NALF1: variants seen among roughly 807,000 people sequenced by gnomAD.
NALF1 encodes NALCN channel auxiliary factor 1, also known as family with sequence similarity 155 member A.
NALF1 carries 3 observed loss-of-function variants against 48.4 expected under a neutral mutation model. The ratio of observed to expected loss-of-function variants is 0.06; its 90% CI spans 0.03 to 0.16. The LOEUF (loss-of-function observed/expected upper bound fraction) is 0.16, where lower values mean the gene tolerates loss of function less well. Among genes scored for constraint, NALF1 ranks in the 10% least tolerant of loss-of-function variants. The pLI is 1.00. For missense variants in NALF1, 526 were observed against 571.5 expected, an observed-to-expected ratio of 0.92 and a Z score of 0.81; for synonymous variants, 262 against 245.7, an observed-to-expected ratio of 1.07 and a Z score of -0.62.
At chr13:107,675,734 C>T (rs111947322) in intron 1 of NALF1, among the ~76,000 whole-genome samples, 1 of 152,096 alleles carries the variant, frequency 6.6e-6, no homozygotes, top group African/African-American at 2.4e-5. Flanking sequence ...CTGGTATTAG[C>T]GCATGTCAAT....
rs183702314 is a variant in NALF1 at position 107,201,466 on chromosome 13, A to G, written c.1087+9118T>C. On this transcript the variant is annotated intron_variant, in intron 2 of 2. Transcript: ENST00000375915. ...GTGGCGGGCGCCTGTAGTCCCAGCT[A>G]CTCGGGAGGCTGAGGCAGGAGAATG... 1.6e-3 allele frequency among the ~76,000 whole-genome samples: 243 copies of G among 152,222 alleles called. 1 individual carries two copies. Among genetic ancestry groups the G allele is most frequent in the African/African-American group, 4.8e-3 (200 of 41,540 alleles).
At chr13:107,221,651 C>T (rs140359038) in intron 1 of NALF1, among the ~76,000 whole-genome samples, 1,663 of 152,116 alleles carry the variant, frequency 0.011, 16 homozygotes, top group Non-Finnish European at 0.015. Context: ...TTTCAATGCA[C>T]GGTATCTGTG....
At chr13:107,652,471 A>T (rs777439753) in intron 1 of NALF1, among the ~76,000 whole-genome samples, 1 of 152,198 alleles carries the variant, frequency 6.6e-6, no homozygotes, top group African/African-American at 2.4e-5. Context: ...CCCTTCTCCT[A>T]TGAAATTCAA....
chr13:107,213,354 G>A (rs1200000586), intron 1 of NALF1, among the ~76,000 whole-genome samples: 4 of 151,680 alleles, frequency 2.6e-5, no homozygotes, highest in Non-Finnish European at 5.9e-5. Context: ...CAAAGCCGCC[G>A]GCAGAATCCC....
At chr13:107,632,908 T>TGA (rs1879870948) in intron 1 of NALF1, among the ~76,000 whole-genome samples, 1 of 65,222 alleles carries the variant, frequency 1.5e-5, no homozygotes, top group Non-Finnish European at 3.5e-5. Flanking sequence ...ACAAGCCTCA[T>TGA]GAAAAAAAAA....
rs114587174 is a variant in NALF1 at position 107,467,534 on chromosome 13, C to T, written c.916-256779G>A. 8.0e-3 allele frequency among the ~76,000 whole-genome samples: 1,218 copies of T among 152,232 alleles called. 20 individuals are homozygous for T. The highest frequency in any genetic ancestry group is 0.028 in the African/African-American group (1,162 of 41,514). ...TCCTACTTGCTCTTCTTGAGTGTTG[C>T]CATAAAGTCAAGCTACTGAAATCCA... On this transcript the variant is annotated intron_variant, in intron 1 of 2. Transcript: ENST00000375915.
At chr13:107,800,482 A>G (rs1878571872) in intron 1 of NALF1, among the ~76,000 whole-genome samples, 1 of 151,212 alleles carries the variant, frequency 6.6e-6, no homozygotes, top group Admixed American at 6.6e-5. Context: ...AACAAATTTA[A>G]TAAACTTCAA....
At chr13:107,757,146 G>C (rs934464107) in intron 1 of NALF1, among the ~76,000 whole-genome samples, 7 of 152,314 alleles carry the variant, frequency 4.6e-5, no homozygotes, top group Non-Finnish European at 8.8e-5. Context: ...GAACAAGGCA[G>C]TGATTGAGGT....
At chr13:107,772,259 C>T (rs1443032034) in intron 1 of NALF1, among the ~76,000 whole-genome samples, 1 of 152,044 alleles carries the variant, frequency 6.6e-6, no homozygotes, top group Non-Finnish European at 1.5e-5. Flanking sequence ...TTTTACTTTG[C>T]ACTGCGGACT....
chr13:107,818,018 A>C (rs1331192213), intron 1 of NALF1, among the ~76,000 whole-genome samples: 6 of 152,224 alleles, frequency 3.9e-5, no homozygotes, highest in Non-Finnish European at 8.8e-5. Flanking sequence ...GTAGAAACAG[A>C]CATGAAATAA....
chr13:107,329,003 A>C (rs2138921961), intron 1 of NALF1, among the ~76,000 whole-genome samples: 1 of 152,328 alleles, frequency 6.6e-6, no homozygotes, highest in East Asian at 1.9e-4. Context: ...TTATATCATG[A>C]GGAAGAGCTT....
chr13:107,272,770 A>G (rs1881202272), intron 1 of NALF1, among the ~76,000 whole-genome samples: 1 of 152,220 alleles, frequency 6.6e-6, no homozygotes, highest in South Asian at 2.1e-4. Flanking sequence ...AATCATCAAA[A>G]GCCTTGAGAA....
At chr13:107,589,103 C>T (rs1237010923) in intron 1 of NALF1, among the ~76,000 whole-genome samples, 3 of 151,900 alleles carry the variant, frequency 2.0e-5, no homozygotes, top group Non-Finnish European at 4.4e-5. Flanking sequence ...TGAGGAGTAG[C>T]GTATACAATG....
chr13:107,528,541 C>G (rs141382517), intron 1 of NALF1, among the ~76,000 whole-genome samples: 3 of 152,208 alleles, frequency 2.0e-5, no homozygotes, highest in Admixed American at 6.5e-5. Flanking sequence ...CTCTCTAAAA[C>G]AAGCCTCGAG....
intron 1 of NALF1, among the ~76,000 whole-genome samples, chr13:107,580,061 T>C (rs1416566173): frequency 6.6e-6 from 1 of 151,998 alleles, no homozygotes; most frequent in Non-Finnish European, 1.5e-5. Context: ...TGTCCAATAA[T>C]GATAGACTGG....
intron 1 of NALF1, among the ~76,000 whole-genome samples, chr13:107,581,448 TC>T (rs1306384025): frequency 6.6e-6 from 1 of 152,182 alleles, no homozygotes; most frequent in Non-Finnish European, 1.5e-5. Context: ...GTTTATCTGT[TC>T]TGTCTAGAGG....
intron 1 of NALF1, among the ~76,000 whole-genome samples, chr13:107,528,153 T>TA (rs1876504844): frequency 6.6e-6 from 1 of 152,092 alleles, no homozygotes; most frequent in Non-Finnish European, 1.5e-5. Flanking sequence ...CTGCAATTAA[T>TA]CTGGACAGTA....
At chr13:107,265,754 C>A (rs964507559) in intron 1 of NALF1, among the ~76,000 whole-genome samples, 1 of 151,866 alleles carries the variant, frequency 6.6e-6, no homozygotes, top group South Asian at 2.1e-4. Flanking sequence ...GACATTTTTA[C>A]AATACTTTGG....
intron 1 of NALF1, among the ~76,000 whole-genome samples, chr13:107,718,267 C>T (rs950817447): frequency 6.6e-6 from 1 of 152,166 alleles, no homozygotes; most frequent in African/African-American, 2.4e-5. Flanking sequence ...ATGCTTTATG[C>T]AGTTCCGGAT....
Sources: allele counts gnomAD v4.1 joint callset (sites outside exome capture counted in the v4.1 genomes callset), GRCh38; gene constraint gnomAD v4.1.1; transcripts MANE v1.5; gene names NCBI Gene and HGNC (gene_info 2026-07-23, HGNC 2026-07-21).